The following ARFGEF1 variants were observed in gnomAD, a reference collection of about 807,000 sequenced individuals.
The protein encoded by ARFGEF1 is brefeldin A-inhibited guanine nucleotide-exchange protein 1.
In ARFGEF1, 42 loss-of-function variants were observed where a neutral mutation model predicts 231.0. The ratio of observed to expected loss-of-function variants is 0.18; its 90% CI spans 0.14 to 0.24. The LOEUF (loss-of-function observed/expected upper bound fraction) is 0.24, where lower values mean the gene tolerates loss of function less well. Ranked by LOEUF, ARFGEF1 falls within the 10% of genes least tolerant of loss-of-function variation. The probability of loss-of-function intolerance (pLI) is 1.00; values close to 1 mark genes in which losing one functional copy is unlikely to be tolerated. For missense variants in ARFGEF1, 1,345 were observed against 2,192.0 expected, an observed-to-expected ratio of 0.61 and a Z score of 7.72; for synonymous variants, 710 against 732.3, an observed-to-expected ratio of 0.97 and a Z score of 0.49.
At chr8:67,215,975 G>A (rs954874610) in intron 33 of ARFGEF1, among the ~76,000 whole-genome samples, 2 of 152,150 alleles carry the variant, frequency 1.3e-5, no homozygotes, top group African/African-American at 4.8e-5. Context: ...AGACAGCTAC[G>A]TAATCTGGTA....
chr8:67,303,440 G>A (rs1437670410), intron 1 of ARFGEF1, among the ~76,000 whole-genome samples: 1 of 152,188 alleles, frequency 6.6e-6, no homozygotes, highest in East Asian at 1.9e-4. Flanking sequence ...GCTGAGCACA[G>A]TGGCTCATGC....
At chr8:67,253,757 A>G in intron 17 of ARFGEF1, 135 bp from the exon 18 acceptor site, 1 of 482,196 alleles carries the variant, frequency 2.1e-6, no homozygotes, top group Middle Eastern at 5.6e-4. Context: ...TCAACAAAAT[A>G]TAGATAAAAA....
intron 5 of ARFGEF1, among the ~76,000 whole-genome samples, chr8:67,296,176 A>C (rs1209289045): frequency 6.6e-6 from 1 of 152,242 alleles, no homozygotes; most frequent in Non-Finnish European, 1.5e-5. Flanking sequence ...AAGTACTTCC[A>C]CAAGGAAGAT....
At position 67,343,295 on chromosome 8, in the gene ARFGEF1, G is replaced by T; in HGVS notation, c.-8C>A. On this transcript the variant is annotated 5_prime_UTR_variant, in exon 1 of 39. The change creates a new upstream start codon in the 5' untranslated region. Transcript: ENST00000262215. ...CTTCTTCCCCTCATACATGGACGCA[G>T]AGAAGGAGGCGGCGGCTCGTCCGAC... 1.9e-6 allele frequency: 3 copies of T among 1,612,532 alleles called. No homozygotes were observed. Among genetic ancestry groups the T allele is most frequent in the Non-Finnish European group, 2.5e-6 (3 of 1,178,898 alleles).
At chr8:67,234,205 C>A (rs1466870479) in intron 22 of ARFGEF1, among the ~76,000 whole-genome samples, 1 of 152,056 alleles carries the variant, frequency 6.6e-6, no homozygotes, top group Non-Finnish European at 1.5e-5. Flanking sequence ...ATTCTAGGAA[C>A]TGAATGATGT....
intron 1 of ARFGEF1, among the ~76,000 whole-genome samples, chr8:67,326,648 A>T (rs928259933): frequency 6.6e-6 from 1 of 152,248 alleles, no homozygotes; most frequent in Non-Finnish European, 1.5e-5. Flanking sequence ...CATAAATTAC[A>T]GTAAGTCCTC....
At chr8:67,302,713 C>T (rs954912287) in intron 1 of ARFGEF1, among the ~76,000 whole-genome samples, 5 of 151,998 alleles carry the variant, frequency 3.3e-5, no homozygotes, top group Non-Finnish European at 5.9e-5. Context: ...TAATTCCCAA[C>T]GCATTTCCTT....
At chr8:67,226,427 C>A (rs1480428428) in intron 27 of ARFGEF1, among the ~76,000 whole-genome samples, 1 of 152,002 alleles carries the variant, frequency 6.6e-6, no homozygotes, top group Admixed American at 6.6e-5. Flanking sequence ...GACTGGTACA[C>A]GGTAGGTACT....
chr8:67,200,792 C>T (rs1587021398), intron 37 of ARFGEF1, among the ~76,000 whole-genome samples: 1 of 152,204 alleles, frequency 6.6e-6, no homozygotes, highest in African/African-American at 2.4e-5. Context: ...TGGCAGGTGG[C>T]ACATGCAAAG....
Position 67,324,930 on chromosome 8 carries a change from T to TG in ARFGEF1, c.124+18233dup, listed in dbSNP as rs1371993238. Among the ~76,000 whole-genome samples the TG allele has an allele frequency of 8.6e-5, 13 of 151,922 alleles. No homozygotes were observed. The East Asian group carries it at 2.1e-3, about 25-fold the overall frequency. Reference sequence around the variant, plus strand: ...AAAAAATCCACTTTTTTTTTTTTTTTGAGACAGAGTTTCACTCTTATTGCC... The same window carrying TG: ...AAAAAATCCACTTTTTTTTTTTTTTTGGAGACAGAGTTTCACTCTTATTGCC... On this transcript the variant is annotated intron_variant, in intron 1 of 38. Transcript: ENST00000262215.
chr8:67,305,997 T>C (rs548680681), intron 1 of ARFGEF1, among the ~76,000 whole-genome samples: 3 of 152,364 alleles, frequency 2.0e-5, no homozygotes, highest in African/African-American at 7.2e-5. Flanking sequence ...TCTTCATAAT[T>C]TCACAGACAG....
At chr8:67,323,264 A>G (rs1563915878) in intron 1 of ARFGEF1, among the ~76,000 whole-genome samples, 1 of 152,096 alleles carries the variant, frequency 6.6e-6, no homozygotes, top group South Asian at 2.1e-4. Flanking sequence ...CAACAACAAC[A>G]ACAAAAAAGC....
chr8:67,279,498 C>T (rs1416767039), intron 7 of ARFGEF1, among the ~76,000 whole-genome samples: 1 of 152,162 alleles, frequency 6.6e-6, no homozygotes, highest in South Asian at 2.1e-4. Context: ...CACACAAAAT[C>T]TTCCTTCACC....
downstream of ARFGEF1, chr8:67,174,887 C>T (rs1325255591): frequency 6.3e-6 from 1 of 158,426 alleles, no homozygotes; most frequent in Non-Finnish European, 1.4e-5. Context: ...ATTATTTTTT[C>T]ACGTTTCCAG....
downstream of ARFGEF1, chr8:67,174,216 CA>C (rs1400195922): frequency 6.6e-6 from 1 of 152,002 alleles, no homozygotes; most frequent in Non-Finnish European, 1.5e-5. Flanking sequence ...GCAGTGAAGC[CA>C]GGGACCAATC....
At chr8:67,210,631 G>A (rs1208173321) in intron 34 of ARFGEF1, among the ~76,000 whole-genome samples, 1 of 152,184 alleles carries the variant, frequency 6.6e-6, no homozygotes. Context: ...GCAGAAGGGG[G>A]TGGAGAAAGA....
intron 7 of ARFGEF1, among the ~76,000 whole-genome samples, chr8:67,279,216 T>C (rs1485353950): frequency 1.3e-5 from 2 of 152,164 alleles, no homozygotes; most frequent in African/African-American, 4.8e-5. Context: ...AGAGTACTTA[T>C]TCCAAAACGT....
At chr8:67,313,833 A>T (rs1260968523) in intron 1 of ARFGEF1, among the ~76,000 whole-genome samples, 2 of 152,042 alleles carry the variant, frequency 1.3e-5, no homozygotes, top group Non-Finnish European at 2.9e-5. Context: ...CCAAGATTAT[A>T]CACCTCACCC....
At chr8:67,340,814 A>C (rs1361240877) in intron 1 of ARFGEF1, among the ~76,000 whole-genome samples, 2 of 152,198 alleles carry the variant, frequency 1.3e-5, no homozygotes, top group African/African-American at 4.8e-5. Context: ...AGTATACAGA[A>C]GGGACAAAAA....
Sources: allele counts gnomAD v4.1 joint callset (sites outside exome capture counted in the v4.1 genomes callset), GRCh38; gene constraint gnomAD v4.1.1; transcripts MANE v1.5; gene names NCBI Gene and HGNC (gene_info 2026-07-23, HGNC 2026-07-21).